The following ACTL6A variants were observed in gnomAD, a reference collection of about 807,000 sequenced individuals.
ACTL6A encodes actin-like protein 6A.
Under a neutral mutation model 59.2 loss-of-function variants are expected in ACTL6A, and 5 were observed. The ratio of observed to expected loss-of-function variants is 0.08; its 90% CI spans 0.04 to 0.18. The LOEUF is 0.18. Among genes scored for constraint, ACTL6A ranks in the 10% least tolerant of loss-of-function variants. The pLI, the probability that ACTL6A is intolerant of heterozygous loss-of-function variation, is 1.00. For missense variants in ACTL6A, 285 were observed against 526.9 expected (o/e 0.54, Z 4.49); for synonymous variants, 154 against 171.8 (o/e 0.90, Z 0.81).
chr3:179,577,999 T>C (rs899149602), intron 8 of ACTL6A, among the ~76,000 whole-genome samples: 1 of 152,200 alleles, frequency 6.6e-6, no homozygotes, highest in Non-Finnish European at 1.5e-5. Flanking sequence ...TTTGGGTATA[T>C]ACCCAGTAAT....
Position 179,570,925 on chromosome 3 carries a change from C to G in ACTL6A, c.277+684C>G, listed in dbSNP as rs774654609. ...AGATGAGAAATGAAAAAGGTTTAAA[C>G]TATTATATAATGCTGGTAGAGATTC... On this transcript the variant is annotated intron_variant, in intron 3 of 13. Transcript: ENST00000429709. The surrounding 1 kb of genome is among the most constrained non-coding windows in gnomAD (Gnocchi z 4.3). 3.3e-5 allele frequency among the ~76,000 whole-genome samples: 5 copies of G among 152,150 alleles called. No homozygotes were observed. Among genetic ancestry groups the G allele is most frequent in the Non-Finnish European group, 7.4e-5 (5 of 68,018 alleles).
At chr3:179,569,969 C>A in intron 2 of ACTL6A, 69 bp downstream of exon 2, 1 of 1,579,428 alleles carries the variant, frequency 6.3e-7, no homozygotes, top group Non-Finnish European at 8.6e-7. Flanking sequence ...TGCAGAAATT[C>A]TGATTCAAAA....
intron 4 of ACTL6A, 53 bp from the exon 5 acceptor site, chr3:179,574,313 GATAA>G: frequency 9.2e-7 from 1 of 1,087,776 alleles, no homozygotes; most frequent in Non-Finnish European, 1.4e-6. Flanking sequence ...TTTATCTGGA[GATAA>G]ATCAACTTTT....
intron 1 of ACTL6A, among the ~76,000 whole-genome samples, chr3:179,567,386 A>C (rs1048788160): frequency 6.6e-6 from 1 of 152,164 alleles, no homozygotes; most frequent in African/African-American, 2.4e-5. Context: ...AAATAAATAA[A>C]TAAATAAAGA....
chr3:179,563,341 C>T (rs1350064326), intron 1 of ACTL6A, among the ~76,000 whole-genome samples: 2 of 152,166 alleles, frequency 1.3e-5, no homozygotes, highest in Non-Finnish European at 2.9e-5. Context: ...TGGCCTCTTC[C>T]TGCCTCTGTC....
chr3:179,563,267 G>A, intron 1 of ACTL6A, 150 bp downstream of exon 1: 4 of 1,327,094 alleles, frequency 3.0e-6, no homozygotes, highest in Non-Finnish European at 4.0e-6. Context: ...CCCACGCTCT[G>A]CCCGCCCCCG....
chr3:179,578,459 A>G (rs1718236021), intron 8 of ACTL6A, among the ~76,000 whole-genome samples: 1 of 151,998 alleles, frequency 6.6e-6, no homozygotes, highest in Non-Finnish European at 1.5e-5. Context: ...ATTTCAAAGA[A>G]AAAGAAAAAT....
Position 179,570,315 on chromosome 3 carries a change from A to AT in ACTL6A, c.277+75dup. The AT allele has an allele frequency of 7.5e-7, 1 of 1,329,626 alleles. No individual in the cohort carries two copies. Among genetic ancestry groups the AT allele is most frequent in the East Asian group, 2.5e-5 (1 of 39,586 alleles). 82.4% of individuals were successfully genotyped at this position (1,329,626 alleles called of 1,614,324 possible). ...TTTAGATACAAAGTAGTAGCTTCCT[A>AT]TAAGTTGAACATCAACCATGGTTTT... On this transcript the variant is annotated intron_variant, in intron 3 of 13. Coordinates refer to ENST00000429709, the MANE Select transcript of ACTL6A (RefSeq NM_004301.5). This position sits in a 1 kb window ranked among gnomAD's most constrained non-coding sequence, Gnocchi z 4.3.
At chr3:179,587,237 C>T (rs1718526158) in intron 13 of ACTL6A, among the ~76,000 whole-genome samples, 1 of 151,768 alleles carries the variant, frequency 6.6e-6, no homozygotes, top group Non-Finnish European at 1.5e-5. Context: ...AGTTTATATA[C>T]ATATATATGT....
chr3:179,564,222 C>T (rs535901260), intron 1 of ACTL6A, among the ~76,000 whole-genome samples: 1 of 152,114 alleles, frequency 6.6e-6, no homozygotes, highest in Non-Finnish European at 1.5e-5. Context: ...AGTTAGAGAC[C>T]CAGAAAACAA....
chr3:179,577,489 C>CA (rs924769724), intron 8 of ACTL6A, among the ~76,000 whole-genome samples: 29 of 149,308 alleles, frequency 1.9e-4, no homozygotes, highest in African/African-American at 2.9e-4. Context: ...AAAAAAAAAA[C>CA]AAAAAAAAAC....
At chr3:179,576,110 G>A in intron 5 of ACTL6A, 107 bp from the exon 6 acceptor site, 2 of 759,340 alleles carry the variant, frequency 2.6e-6, no homozygotes, top group Non-Finnish European at 4.5e-6. Context: ...TAACTATAAG[G>A]TACATGTTTA....
intron 12 of ACTL6A, 115 bp from the exon 13 acceptor site, chr3:179,586,431 C>T: frequency 1.3e-6 from 1 of 770,250 alleles, no homozygotes; most frequent in Non-Finnish European, 1.9e-6. Flanking sequence ...GAAGACCAGC[C>T]TGGACAATAT....
rs559564438 is a variant in ACTL6A at position 179,569,561 on chromosome 3, G to A, written c.26-263G>A. ...TGAGTAATAATATGAATATAATTGGGCTGAGTGCAGTGGCTCATGCCTGCA... is the reference window on the plus strand; with the variant it reads ...TGAGTAATAATATGAATATAATTGGACTGAGTGCAGTGGCTCATGCCTGCA... On this transcript the variant is annotated intron_variant, in intron 1 of 13. Transcript: ENST00000429709. Among the ~76,000 whole-genome samples, 3 of 152,244 alleles carry A rather than the reference G, an allele frequency of 2.0e-5. No homozygotes were observed. The East Asian group carries it at 5.8e-4, about 29-fold the overall frequency.
intron 1 of ACTL6A, among the ~76,000 whole-genome samples, chr3:179,567,689 G>A (rs1033151291): frequency 3.9e-5 from 6 of 152,232 alleles, no homozygotes; most frequent in African/African-American, 7.2e-5. Context: ...CTATACTTAC[G>A]ATTTGTACTC....
At chr3:179,563,400 T>C (rs1478096710) in intron 1 of ACTL6A, among the ~76,000 whole-genome samples, 1 of 152,098 alleles carries the variant, frequency 6.6e-6, no homozygotes, top group Non-Finnish European at 1.5e-5. Context: ...CTAGGGAGCC[T>C]CGGGGCTGGG....
Position 179,588,128 on chromosome 3 carries a change from T to C in ACTL6A, c.*118T>C, listed in dbSNP as rs780834217. ...GTTTATACATTTTTGCATATTTCAA[T>C]TTCCACTTAAATTTTTTAAAGCTTT... is the stretch of plus-strand genomic sequence containing the variant. On this transcript the variant is annotated 3_prime_UTR_variant, in exon 14 of 14. Transcript: ENST00000429709. 11 of 730,508 alleles carry C rather than the reference T, an allele frequency of 1.5e-5. No homozygotes were observed. Among genetic ancestry groups the C allele is most frequent in the Non-Finnish European group, 2.0e-5 (10 of 495,128 alleles). The allele number at this position is 730,508 out of a possible 1,614,324, so 45.3% of individuals were successfully genotyped here. A position where few individuals can be genotyped will look rare whatever the true frequency, so the allele number is the denominator to read the frequency against.
chr3:179,567,343 G>A (rs1717866869), intron 1 of ACTL6A, among the ~76,000 whole-genome samples: 5 of 152,294 alleles, frequency 3.3e-5, no homozygotes, highest in South Asian at 4.1e-4. Context: ...CCCAGCCTGG[G>A]CGACAGGAGT....
In ACTL6A at chr3:179,570,112, G is replaced by A. The variant is rs772046796; in HGVS notation, c.148G>A (p.Gly50Arg). Residue 50 changes from glycine (G) to arginine (R), a missense_variant, in exon 3 of 14, where the codon GGA becomes AGA. Gly to Arg is a moderately radical substitution (Grantham distance 125). Coordinates refer to ENST00000429709, the MANE Select transcript of ACTL6A (RefSeq NM_004301.5). This position sits in a 1 kb window ranked among gnomAD's most constrained non-coding sequence, Gnocchi z 4.3. Reference sequence around the variant, plus strand: ...TGGTATGGTGGTAGAAAGAGATGACGGAAGCACATTAATGGAAATAGATGG... The same window carrying A: ...TGGTATGGTGGTAGAAAGAGATGACAGAAGCACATTAATGGAAATAGATGG... ...AIGMVVERDD[G>R]STLMEIDGDK... 28 of 1,613,984 alleles carry A rather than the reference G, an allele frequency of 1.7e-5. No individual in the cohort carries two copies. The South Asian group carries it at 1.9e-4, about 11-fold the overall frequency.
Sources: allele counts gnomAD v4.1 joint callset (sites outside exome capture counted in the v4.1 genomes callset), GRCh38; gene constraint gnomAD v4.1.1; non-coding constraint Gnocchi (gnomAD v3.1); transcripts MANE v1.5; gene names NCBI Gene and HGNC (gene_info 2026-07-23, HGNC 2026-07-21).